The following DSCAM variants were observed in gnomAD, a reference collection of about 807,000 sequenced individuals.
The protein encoded by DSCAM is DS cell adhesion molecule, also known as cell adhesion molecule DSCAM.
DSCAM carries 47 observed loss-of-function variants against 217.7 expected under a neutral mutation model. That is an observed-to-expected ratio of 0.22 (90% CI 0.17 to 0.28). The LOEUF is 0.28. Among genes scored for constraint, DSCAM ranks in the 10% least tolerant of loss-of-function variants. DSCAM has a pLI of 1.00. For missense variants in DSCAM, 2,080 were observed against 2,618.3 expected, an observed-to-expected ratio of 0.79 and a Z score of 4.49; for synonymous variants, 1,056 against 1,015.3, an observed-to-expected ratio of 1.04 and a Z score of -0.76.
intron 1 of DSCAM, among the ~76,000 whole-genome samples, chr21:40,818,275 A>G (rs1481227498): frequency 1.0e-4 from 15 of 148,668 alleles, no homozygotes; most frequent in Admixed American, 8.1e-4. Flanking sequence ...GGCCGGGTGC[A>G]GTGGCTCACG....
intron 27 of DSCAM, among the ~76,000 whole-genome samples, chr21:40,072,513 AT>A (rs1198528927): frequency 1.3e-5 from 2 of 151,468 alleles, no homozygotes; most frequent in Non-Finnish European, 2.9e-5. Context: ...CCCCCGGCTA[AT>A]TTTTTTTGTA....
intron 3 of DSCAM, among the ~76,000 whole-genome samples, chr21:40,600,460 T>G (rs2077053925): frequency 6.6e-6 from 1 of 152,180 alleles, no homozygotes; most frequent in Non-Finnish European, 1.5e-5. Flanking sequence ...TAATCACCTC[T>G]CAAAGGCCCC....
intron 1 of DSCAM, among the ~76,000 whole-genome samples, chr21:40,840,882 AG>A (rs2092095850): frequency 6.6e-6 from 1 of 152,050 alleles, no homozygotes; most frequent in Non-Finnish European, 1.5e-5. Flanking sequence ...GGAGTTAAGG[AG>A]GGGAGAAAGG....
At chr21:40,083,072 G>C (rs1458392913) in intron 24 of DSCAM, among the ~76,000 whole-genome samples, 2 of 152,168 alleles carry the variant, frequency 1.3e-5, no homozygotes, top group East Asian at 3.8e-4. Context: ...TCTTTCCTGT[G>C]TATCTTCTGT....
chr21:40,572,476 TTAAAAA>T (rs1304471299), intron 3 of DSCAM, among the ~76,000 whole-genome samples: 1 of 152,106 alleles, frequency 6.6e-6, no homozygotes, highest in South Asian at 2.1e-4. Context: ...TACATACTAA[TTAAAAA>T]TAAGATTCAA....
At chr21:40,484,058 T>A (rs567704648) in intron 3 of DSCAM, among the ~76,000 whole-genome samples, 8 of 152,212 alleles carry the variant, frequency 5.3e-5, no homozygotes, top group Non-Finnish European at 1.0e-4. Context: ...CAACAAAAGA[T>A]GTTAGACAAG....
Position 40,825,266 on chromosome 21 carries a change from T to TTTCCTTCCTTCCTTCCTTCCTTCC in DSCAM, c.43+21329_43+21352dup, listed in dbSNP as rs142604153. Among the ~76,000 whole-genome samples the TTTCCTTCCTTCCTTCCTTCCTTCC allele has an allele frequency of 1.4e-4, 19 of 140,062 alleles. No individual in the cohort carries two copies. The South Asian group carries it at 1.5e-3, about 11-fold the overall frequency. The allele number at this position is 140,062 out of a possible 152,430, so 91.9% of individuals were successfully genotyped here. On this transcript the variant is annotated intron_variant, in intron 1 of 32. Coordinates refer to ENST00000400454, the MANE Select transcript of DSCAM (RefSeq NM_001389.5). ...AGGTGTTCAGTGAACATTTTCTTTC[T>TTTCCTTCCTTCCTTCCTTCCTTCC]TTCCTTCCTTCCTTCCTTCCTTCCT... is the stretch of plus-strand genomic sequence containing the variant.
intron 8 of DSCAM, among the ~76,000 whole-genome samples, chr21:40,330,331 TTA>T (rs2074364434): frequency 6.8e-6 from 1 of 147,234 alleles, no homozygotes; most frequent in African/African-American, 2.5e-5. Flanking sequence ...ATTTATTATA[TTA>T]TATGCATATA....
intron 1 of DSCAM, among the ~76,000 whole-genome samples, chr21:40,778,483 C>T (rs1222439985): frequency 2.0e-5 from 3 of 152,016 alleles, no homozygotes; most frequent in Non-Finnish European, 4.4e-5. Context: ...TTTTTGTTTG[C>T]TTTTCATGGA....
At chr21:40,126,726 C>A (rs536686868) in intron 19 of DSCAM, among the ~76,000 whole-genome samples, 41 of 152,272 alleles carry the variant, frequency 2.7e-4, no homozygotes, top group Middle Eastern at 3.4e-3. Flanking sequence ...CGTGAGCATG[C>A]CTGTGTCACA....
intron 3 of DSCAM, among the ~76,000 whole-genome samples, chr21:40,485,508 C>G (rs2076020623): frequency 6.6e-6 from 1 of 152,032 alleles, no homozygotes; most frequent in South Asian, 2.1e-4. Context: ...TCCCAAAGTG[C>G]TGGGATTACA....
At chr21:40,837,345 G>C (rs2123669862) in intron 1 of DSCAM, among the ~76,000 whole-genome samples, 1 of 152,272 alleles carries the variant, frequency 6.6e-6, no homozygotes, top group African/African-American at 2.4e-5. Context: ...ATTAATAAAG[G>C]CTGATGATGT....
At chr21:40,814,855 G>A (rs1378638723) in intron 1 of DSCAM, among the ~76,000 whole-genome samples, 3 of 152,228 alleles carry the variant, frequency 2.0e-5, no homozygotes, top group Non-Finnish European at 4.4e-5. Flanking sequence ...ATTACCTCAC[G>A]GTAAAGGAAA....
At chr21:40,648,267 A>C (rs1420572764) in intron 3 of DSCAM, among the ~76,000 whole-genome samples, 1 of 149,060 alleles carries the variant, frequency 6.7e-6, no homozygotes, top group Non-Finnish European at 1.5e-5. Context: ...ACACACACAC[A>C]CACACACACA....
chr21:40,523,973 G>A (rs73214122), intron 3 of DSCAM, among the ~76,000 whole-genome samples: 3 of 152,066 alleles, frequency 2.0e-5, no homozygotes, highest in Admixed American at 6.6e-5. Context: ...CTGAGAGGGG[G>A]ACAAAGGGAC....
intron 1 of DSCAM, among the ~76,000 whole-genome samples, chr21:40,828,364 A>T (rs1468376553): frequency 2.0e-5 from 3 of 152,250 alleles, no homozygotes; most frequent in African/African-American, 7.2e-5. Flanking sequence ...CCATGGTCAC[A>T]GTAGCGAAGG....
At chr21:40,417,932 A>G (rs1213521873) in intron 3 of DSCAM, among the ~76,000 whole-genome samples, 2 of 152,152 alleles carry the variant, frequency 1.3e-5, no homozygotes, top group Non-Finnish European at 2.9e-5. Flanking sequence ...GTGAGGCTCC[A>G]AATTATGAAG....
At chr21:40,717,456 T>TA (rs1226036056) in intron 1 of DSCAM, among the ~76,000 whole-genome samples, 2 of 152,202 alleles carry the variant, frequency 1.3e-5, no homozygotes, top group African/African-American at 4.8e-5. Context: ...GAAGAACAGG[T>TA]AAGCAAAATG....
intron 3 of DSCAM, among the ~76,000 whole-genome samples, chr21:40,639,966 G>C (rs117629918): frequency 2.0e-5 from 3 of 152,338 alleles, no homozygotes; most frequent in East Asian, 3.9e-4. Flanking sequence ...GAAGTGCCAT[G>C]TGTTAAGCAC....
Sources: gnomAD v4.1 joint callset for allele counts (sites outside exome capture counted in the v4.1 genomes callset) on GRCh38, gnomAD v4.1.1 for gene constraint, MANE v1.5 for transcripts, NCBI Gene and HGNC (gene_info 2026-07-23, HGNC 2026-07-21) for gene names.